Variants in TRRAP observed in about 807,000 individuals in gnomAD.
TRRAP encodes transformation/transcription domain-associated protein.
In TRRAP, 41 loss-of-function variants were observed where a neutral mutation model predicts 438.8. The ratio of observed to expected loss-of-function variants is 0.09; its 90% CI spans 0.07 to 0.12. TRRAP has a LOEUF of 0.12. Among genes scored for constraint, TRRAP ranks in the 10% least tolerant of loss-of-function variants. The pLI is 1.00. For missense variants in TRRAP, 3,122 were observed against 5,055.1 expected, an observed-to-expected ratio of 0.62 and a Z score of 11.60; for synonymous variants, 1,994 against 1,962.9, an observed-to-expected ratio of 1.02 and a Z score of -0.42.
In TRRAP at chr7:98,905,581, A is replaced by G. The variant is rs1035418408; in HGVS notation, c.1037-596A>G. Among the ~76,000 whole-genome samples, 10 of 152,290 alleles carry G rather than the reference A, an allele frequency of 6.6e-5. No homozygotes were observed. The East Asian group carries it at 1.9e-3, about 29-fold the overall frequency. On this transcript the variant is annotated intron_variant, in intron 12 of 72. Coordinates refer to ENST00000456197, the MANE Select transcript of TRRAP (RefSeq NM_001375524.1). ...AACCCTGGTTAGGTTCAGGCCTGCA[A>G]GGACGCAGAGAGTAAGTTTAGGGGT... is the stretch of plus-strand genomic sequence containing the variant.
rs1325257210 is a variant in TRRAP at position 98,994,811 on chromosome 7, C to T, written c.10272C>T (p.Asp3424=). Residue 3424 remains aspartate (D), a synonymous_variant, in exon 67 of 73, where the codon GAC becomes GAT. Transcript: ENST00000456197. The surrounding 1 kb of genome is among the most constrained non-coding windows in gnomAD (Gnocchi z 4.8). ...LARRAQATAQ[D]PVFQKLKGQF... ...GGCGGGCGCAGGCCACTGCACAAGA[C>T]CCTGTCTTTCAGAAGCTGAAAGGCC... 1.2e-6 allele frequency: 2 copies of T among 1,613,436 alleles called. No individual in the cohort carries two copies. The highest frequency in any genetic ancestry group is 2.7e-5 in the African/African-American group (2 of 74,944).
rs1554417886 is a variant in TRRAP, at chr7:98,950,119, C to T, written c.5191C>T (p.Arg1731Cys). The T allele has an allele frequency of 3.7e-6, 6 of 1,614,190 alleles. No individual in the cohort carries two copies. The highest frequency in any genetic ancestry group is 1.1e-5 in the South Asian group (1 of 91,064). The change falls in exon 38 of 73, where the codon CGT (arginine) becomes TGT (cysteine). Residue 1731 changes from arginine to cysteine, a missense_variant. Arg to Cys is a radical substitution (Grantham distance 180, BLOSUM62 -3). Around this residue, in one of 24 missense-constraint regions of TRRAP, gnomAD observed 272 missense variants for 348.5 expected, o/e 0.78. Coordinates refer to ENST00000456197, the MANE Select transcript of TRRAP (RefSeq NM_001375524.1). ...LFQLLRAFTG[R>C]FLCNMTFLKE... ...CCAGCTGCTCCGAGCCTTTACTGGT[C>T]GTTTTCTCTGCAACATGACATTCTT... is the stretch of plus-strand genomic sequence containing the variant.
At chr7:98,890,110 A>G (rs1795901543) in intron 3 of TRRAP, among the ~76,000 whole-genome samples, 1 of 152,182 alleles carries the variant, frequency 6.6e-6, no homozygotes, top group Non-Finnish European at 1.5e-5. Flanking sequence ...AAGGATTGGT[A>G]TTTCTAATTT....
intron 20 of TRRAP, among the ~76,000 whole-genome samples, chr7:98,920,085 T>C (rs1789712376): frequency 6.6e-6 from 1 of 152,260 alleles, no homozygotes. Flanking sequence ...ATTGGAATTT[T>C]GCTTGGTTTA....
chr7:98,880,514 C>T (rs544314006), intron 1 of TRRAP, among the ~76,000 whole-genome samples: 1 of 152,176 alleles, frequency 6.6e-6, no homozygotes, highest in African/African-American at 2.4e-5. Context: ...TCCCTGCCTT[C>T]GCCTTCCAAA....
At chr7:98,992,559 C>T (rs1258765106) in intron 65 of TRRAP, among the ~76,000 whole-genome samples, 1 of 129,268 alleles carries the variant, frequency 7.7e-6, no homozygotes, top group Non-Finnish European at 1.6e-5. Flanking sequence ...ATGCCAGCTG[C>T]CGTGTGTGTG....
chr7:98,940,161 G>C, intron 30 of TRRAP, among the ~76,000 whole-genome samples: 1 of 151,844 alleles, frequency 6.6e-6, no homozygotes, highest in East Asian at 1.9e-4. Context: ...TGGGATTACA[G>C]ATGTGAGCCA....
chr7:98,961,121 A>AT lies in TRRAP; in HGVS notation c.6490-138dup. The AT allele has an allele frequency of 4.2e-6, 3 of 712,226 alleles. No individual in the cohort carries two copies. The Middle Eastern group carries it at 1.0e-3, about 248-fold the overall frequency. The allele number at this position is 712,226 out of a possible 1,614,324, so 44.1% of individuals were successfully genotyped here. Reference sequence around the variant, plus strand: ...AAAGTAATCATTCTTGTGAAATACGATTGTCATTCTCTAGTGGTTTTTTTT... The same window carrying AT: ...AAAGTAATCATTCTTGTGAAATACGATTTGTCATTCTCTAGTGGTTTTTTTT... On this transcript the variant is annotated intron_variant, in intron 45 of 72. Transcript: ENST00000456197.
At chr7:98,912,806 A>C (rs371458556) in intron 18 of TRRAP, among the ~76,000 whole-genome samples, 12 of 152,288 alleles carry the variant, frequency 7.9e-5, no homozygotes, top group African/African-American at 2.9e-4. Context: ...TGCACACTGA[A>C]GCCAATACAA....
Position 98,965,740 on chromosome 7 carries a change from C to T in TRRAP, c.7021C>T (p.Arg2341Cys), listed in dbSNP as rs777949510. Residue 2341 changes from arginine to cysteine, a missense_variant, in exon 49 of 73, where the codon CGC (arginine) becomes TGC (cysteine). Around this residue, in one of 24 missense-constraint regions of TRRAP, gnomAD observed 992 missense variants for 1,281.2 expected, o/e 0.77. Transcript: ENST00000456197. ...GCTGAGTCTGGAGCTGGTGAAGACG[C>T]GCCTGGCAGTGATGAGCATGGAGAT... ...VMLSLELVKT[R>C]LAVMSMEMRK... 6 of 1,614,022 alleles carry T rather than the reference C, an allele frequency of 3.7e-6. No homozygotes were observed. Among genetic ancestry groups the T allele is most frequent in the Non-Finnish European group, 5.1e-6 (6 of 1,180,014 alleles).
chr7:98,966,308 A>G (rs75329540), intron 49 of TRRAP, among the ~76,000 whole-genome samples: 7 of 147,760 alleles, frequency 4.7e-5, no homozygotes, highest in African/African-American at 1.5e-4. Flanking sequence ...TCTGTCTTGG[A>G]AAAAAAAAAA....
chr7:98,989,081 T>C, intron 63 of TRRAP, 115 bp downstream of exon 63: 3 of 1,043,458 alleles, frequency 2.9e-6, no homozygotes, highest in Non-Finnish European at 2.8e-6. Context: ...TTTCATGCCT[T>C]AACTCTTAAT....
At position 99,005,732 on chromosome 7, in the gene TRRAP, ATG is replaced by A. The variant is rs1459300417; in HGVS notation, c.10753+389_10753+390del. 6.9e-6 allele frequency among the ~76,000 whole-genome samples: 1 copy of A among 144,606 alleles called. No homozygotes were observed. The highest frequency in any genetic ancestry group is 2.6e-5 in the African/African-American group (1 of 38,790). The allele number at this position is 144,606 out of a possible 152,430, so 94.9% of individuals were successfully genotyped here. On this transcript the variant is annotated intron_variant, in intron 69 of 72. Coordinates refer to ENST00000456197, the MANE Select transcript of TRRAP (RefSeq NM_001375524.1). This position sits in a 1 kb window ranked among gnomAD's most constrained non-coding sequence, Gnocchi z 5.1. ...ATCACCTGTCGTGTCAGTGTATTTT[ATG>A]TGTGGCCTGAGACAATTCTTCCAAT...
In TRRAP at chr7:98,965,831, T is replaced by G. The variant is rs1165260096; in HGVS notation, c.7112T>G (p.Leu2371Arg). The change falls in exon 49 of 73, where the codon CTC becomes CGC. Residue 2371 changes from leucine (L) to arginine (R), a missense_variant. Around this residue, in one of 24 missense-constraint regions of TRRAP, gnomAD observed 992 missense variants for 1,281.2 expected, o/e 0.77. Coordinates refer to ENST00000456197, the MANE Select transcript of TRRAP (RefSeq NM_001375524.1). ...LIEKSPDAKI[L>R]RAVVKIVEEW... ...GAAAAATCACCAGATGCCAAAATCCTCCGGGCTGTGGTCAAAATCGTGGAA... is the reference window on the plus strand; with the variant it reads ...GAAAAATCACCAGATGCCAAAATCCGCCGGGCTGTGGTCAAAATCGTGGAA... 1.2e-6 allele frequency: 2 copies of G among 1,613,896 alleles called. No individual in the cohort carries two copies. The highest frequency in any genetic ancestry group is 2.7e-5 in the African/African-American group (2 of 74,864).
Position 98,893,764 on chromosome 7 carries a change from A to T in TRRAP, c.367-34A>T, listed in dbSNP as rs368543118. ...AAATTAGCCTTTAAAGTGAGTCTTC[A>T]GAAGTATAACTTTCATTAAATGCTT... On this transcript the variant is annotated intron_variant, in intron 5 of 72. Coordinates refer to ENST00000456197, the MANE Select transcript of TRRAP (RefSeq NM_001375524.1). 9 of 1,591,322 alleles carry T rather than the reference A, an allele frequency of 5.7e-6. No homozygotes were observed. The African/African-American group carries it at 1.2e-4, about 21-fold the overall frequency.
At chr7:98,883,409 T>G (rs1562923351) in intron 3 of TRRAP, among the ~76,000 whole-genome samples, 1 of 152,220 alleles carries the variant, frequency 6.6e-6, no homozygotes. Flanking sequence ...TTGAACATAT[T>G]TACTGTATGA....
At position 98,948,703 on chromosome 7, in the gene TRRAP, C is replaced by T. The variant is rs1316846933; in HGVS notation, c.4788+18C>T. The T allele has an allele frequency of 1.2e-6, 2 of 1,614,022 alleles. No individual in the cohort carries two copies. The highest frequency in any genetic ancestry group is 1.7e-6 in the Non-Finnish European group (2 of 1,180,052). On this transcript the variant is annotated intron_variant, in intron 35 of 72. Coordinates refer to ENST00000456197, the MANE Select transcript of TRRAP (RefSeq NM_001375524.1). This position sits in a 1 kb window ranked among gnomAD's most constrained non-coding sequence, Gnocchi z 4.9. ...TGTTTATGGTAAGAGCTGTGAGCAG[C>T]TGGAGTCAGGGGTCCCTTCAAATGC... is the stretch of plus-strand genomic sequence containing the variant.
chr7:98,930,717 G>A lies in TRRAP; in HGVS notation c.3478G>A (p.Gly1160Ser), dbSNP rs2116512198. ...YEQAWYAKLGGVVSIKFLMER... is the reference protein window; with the variant it reads ...YEQAWYAKLGSVVSIKFLMER... Reference sequence around the variant, plus strand: ...ACAGGCGTGGTATGCAAAGCTGGGGGGTGTGGTGTCTATTAAGTTTCTCAT... The same window carrying A: ...ACAGGCGTGGTATGCAAAGCTGGGGAGTGTGGTGTCTATTAAGTTTCTCAT... The change falls in exon 25 of 73, where the codon GGT (glycine) becomes AGT (serine). Residue 1160 changes from glycine (G) to serine (S), a missense_variant. Gly to Ser is a moderately conservative substitution (Grantham distance 56). Around this residue, in one of 24 missense-constraint regions of TRRAP, gnomAD observed 153 missense variants for 223.0 expected, o/e 0.69. Coordinates refer to ENST00000456197, the MANE Select transcript of TRRAP (RefSeq NM_001375524.1). 2 of 1,614,206 alleles carry A rather than the reference G, an allele frequency of 1.2e-6. No individual in the cohort carries two copies. Among genetic ancestry groups the A allele is most frequent in the Non-Finnish European group, 1.7e-6 (2 of 1,180,048 alleles).
rs1453191403 is a variant in TRRAP, at chr7:98,943,141, T to G, written c.4473+124T>G. On this transcript the variant is annotated intron_variant, in intron 31 of 72. Coordinates refer to ENST00000456197, the MANE Select transcript of TRRAP (RefSeq NM_001375524.1). ...TAGTTTGACGTGATTGTAGTCCTTG[T>G]AAATTGTTAAACACATTTGATTGGT... The G allele has an allele frequency of 7.7e-6, 7 of 912,556 alleles. No homozygotes were observed. The Admixed American group carries it at 1.7e-4, about 22-fold the overall frequency. 56.5% of individuals were successfully genotyped at this position (912,556 alleles called of 1,614,324 possible). A position where few individuals can be genotyped will look rare whatever the true frequency, so the allele number is the denominator to read the frequency against.
Sources: allele counts gnomAD v4.1 joint callset (sites outside exome capture counted in the v4.1 genomes callset), GRCh38; gene constraint gnomAD v4.1.1; regional missense constraint gnomAD v4.1.1; non-coding constraint Gnocchi (gnomAD v3.1); transcripts MANE v1.5; gene names NCBI Gene and HGNC (gene_info 2026-07-23, HGNC 2026-07-21).